INPP5E: variants seen among roughly 807,000 people sequenced by gnomAD.
INPP5E encodes the protein inositol polyphosphate-5-phosphatase E.
Under a neutral mutation model 50.5 loss-of-function variants are expected in INPP5E, and 34 were observed. The observed-to-expected ratio is 0.67, with a 90% CI of 0.51 to 0.90. INPP5E has a LOEUF of 0.90. Ranked by LOEUF, INPP5E falls within the 40% of genes least tolerant of loss-of-function variation. INPP5E has a pLI of 0.00. For missense variants in INPP5E, 942 were observed against 905.5 expected (o/e 1.04, Z -0.52); for synonymous variants, 447 against 406.0 (o/e 1.10, Z -1.21).
intron 1 of INPP5E, 57 bp from the exon 2 acceptor site, chr9:136,434,920 T>C: frequency 6.4e-7 from 1 of 1,567,532 alleles, no homozygotes; most frequent in Non-Finnish European, 8.7e-7. Context: ...CCTGGGGGTC[T>C]GGGCCAGGTC....
chr9:136,438,937 G>A lies in INPP5E; in HGVS notation c.483C>T (p.Leu161=). ...RGSPSSGGNP[L]SGVASSSPNL... is the part of the protein sequence containing the mutation. ...TCGGGGAGCTGCTGGCCACCCCAGAGAGAGGGTTACCCCCCGAGGACGGGC... is the reference window on the plus strand; with the variant it reads ...TCGGGGAGCTGCTGGCCACCCCAGAAAGAGGGTTACCCCCCGAGGACGGGC... Residue 161 remains leucine (L), a synonymous_variant, in exon 1 of 10, where the codon CTC becomes CTT. Transcript: ENST00000371712. 2 of 1,569,792 alleles carry A rather than the reference G, an allele frequency of 1.3e-6. No individual in the cohort carries two copies. The highest frequency in any genetic ancestry group is 1.7e-6 in the Non-Finnish European group (2 of 1,157,928).
Position 136,429,552 on chromosome 9 carries a change from C to G in INPP5E, c.*123G>C. 1 of 1,324,834 alleles carries G rather than the reference C, an allele frequency of 7.5e-7. No individual in the cohort carries two copies. The allele number at this position is 1,324,834 out of a possible 1,614,324, so 82.1% of individuals were successfully genotyped here. On this transcript the variant is annotated 3_prime_UTR_variant, in exon 10 of 10. Transcript: ENST00000371712. Reference sequence around the variant, plus strand: ...TGGCTTCCTTCCTGGGACGCTGGCACAGAGGCACGGTCGCCACAGTCCCTC... The same window carrying G: ...TGGCTTCCTTCCTGGGACGCTGGCAGAGAGGCACGGTCGCCACAGTCCCTC...
At chr9:136,435,181 C>G (rs1331144759) in intron 1 of INPP5E, among the ~76,000 whole-genome samples, 1 of 152,172 alleles carries the variant, frequency 6.6e-6, no homozygotes, top group Non-Finnish European at 1.5e-5. Flanking sequence ...AACTATAAGC[C>G]AAGGCAGTGG....
Position 136,439,480 on chromosome 9 carries a change from G to T in INPP5E, c.-61C>A. Reference sequence around the variant, plus strand: ...CCGCAGGCAGCGCGAGGGGTCACGGGTGCCGGGTCCGGGGTCGCCGGCGCA... The same window carrying T: ...CCGCAGGCAGCGCGAGGGGTCACGGTTGCCGGGTCCGGGGTCGCCGGCGCA... On this transcript the variant is annotated 5_prime_UTR_variant, in exon 1 of 10. Coordinates refer to ENST00000371712, the MANE Select transcript of INPP5E (RefSeq NM_019892.6). The T allele has an allele frequency of 7.8e-7, 1 of 1,283,976 alleles. No individual in the cohort carries two copies. Among genetic ancestry groups the T allele is most frequent in the Non-Finnish European group, 1.0e-6 (1 of 986,154 alleles). 79.5% of individuals were successfully genotyped at this position (1,283,976 alleles called of 1,614,324 possible).
chr9:136,434,649 G>T (rs1835790316), intron 2 of INPP5E, 91 bp downstream of exon 2: 1 of 1,506,848 alleles, frequency 6.6e-7, no homozygotes, highest in South Asian at 1.2e-5. Context: ...CTGGCCCCAG[G>T]ATGAGGCACA....
chr9:136,439,199 G>T lies in INPP5E; in HGVS notation c.221C>A (p.Pro74His). Reference protein sequence around the residue: ...PARAAPIAPRPPARPRLERAL... With the variant: ...PARAAPIAPRHPARPRLERAL... ...TCGCTCCAGTCGAGGCCTGGCGGGG[G>T]GCCGCGGGGCGATGGGTGCTGCTCG... Residue 74 changes from proline to histidine, a missense_variant, in exon 1 of 10, where the codon CCC (proline) becomes CAC (histidine). Transcript: ENST00000371712. 6.5e-7 allele frequency: 1 copy of T among 1,541,870 alleles called. No homozygotes were observed. The highest frequency in any genetic ancestry group is 1.2e-5 in the South Asian group (1 of 84,538).
Position 136,438,230 on chromosome 9 carries a change from G to T in INPP5E, c.812+378C>A, listed in dbSNP as rs374482282. On this transcript the variant is annotated intron_variant, in intron 1 of 9. Transcript: ENST00000371712. ...GCAGAGGTTGCAGTGAGCCGGGATCGCGCCGCTGCACTCCAGCCTGGGCGA... is the reference window on the plus strand; with the variant it reads ...GCAGAGGTTGCAGTGAGCCGGGATCTCGCCGCTGCACTCCAGCCTGGGCGA... 2.6e-4 allele frequency: 75 copies of T among 283,830 alleles called. No homozygotes were observed. In the East Asian group the frequency reaches 4.6e-3, roughly 17 times the overall value. 17.6% of individuals were successfully genotyped at this position (283,830 alleles called of 1,614,324 possible).
At chr9:136,434,276 C>T (rs537611769) in intron 2 of INPP5E, 142 bp from the exon 3 acceptor site, 40 of 662,952 alleles carry the variant, frequency 6.0e-5, no homozygotes, top group Non-Finnish European at 6.7e-5. Flanking sequence ...GGGAGCTGCC[C>T]GGTCTCCGAG....
chr9:136,438,643 G>A lies in INPP5E; in HGVS notation c.777C>T (p.Leu259=), dbSNP rs748310442. 5 of 1,576,962 alleles carry A rather than the reference G, an allele frequency of 3.2e-6. No individual in the cohort carries two copies. Among genetic ancestry groups the A allele is most frequent in the Non-Finnish European group, 4.3e-6 (5 of 1,162,074 alleles). The change falls in exon 1 of 10, where the codon CTC becomes CTT. Residue 259 remains leucine, a synonymous_variant. Coordinates refer to ENST00000371712, the MANE Select transcript of INPP5E (RefSeq NM_019892.6). ...CGTCCTTGCTGCGGATGGGCGCCAG[G>A]AGGCTGAAGGAGGATTTGGCCGAGC... is the stretch of plus-strand genomic sequence containing the variant. The part of the protein sequence containing the change: ...SLRSAKSSFS[L]LAPIRSKDVR...
rs954591293 is a variant in INPP5E, at chr9:136,438,998, G to T, written c.422C>A (p.Pro141His). 6.7e-5 allele frequency: 107 copies of T among 1,586,790 alleles called. No homozygotes were observed. The highest frequency in any genetic ancestry group is 9.1e-5 in the Non-Finnish European group (106 of 1,167,418). ...ACTGCTCAGGACCCCGCGGGACTTG[G>T]GGATTTCCTGCAAGGAGGTGCTCAG... ...PCLSTSLQEI[P>H]KSRGVLSSER... The change falls in exon 1 of 10, where the codon CCC becomes CAC. Residue 141 changes from proline to histidine, a missense_variant. By Grantham distance (77) the Pro-to-His change is moderately conservative. Coordinates refer to ENST00000371712, the MANE Select transcript of INPP5E (RefSeq NM_019892.6).
At chr9:136,436,096 G>A (rs934962500) in intron 1 of INPP5E, 1 of 152,174 alleles carries the variant, frequency 6.6e-6, no homozygotes, top group Non-Finnish European at 1.5e-5. Context: ...CCTCCCGCGA[G>A]AACTTCTTCA....
Position 136,432,546 on chromosome 9 carries a change from G to A in INPP5E, c.1320C>T (p.Thr440=). Residue 440 remains threonine (T), a synonymous_variant, in exon 6 of 10, where the codon ACC becomes ACT. Coordinates refer to ENST00000371712, the MANE Select transcript of INPP5E (RefSeq NM_019892.6). ...GCAGGACCAGGGCTTGTACAGTCCT[G>A]GTGTAGTCCAGCAGCCGCTCCGCCA... The part of the protein sequence containing the change: ...GKVAERLLDY[T]RTVQALVLPR... The A allele has an allele frequency of 1.3e-6, 2 of 1,550,972 alleles. No homozygotes were observed. Among genetic ancestry groups the A allele is most frequent in the Admixed American group, 2.0e-5 (1 of 51,120 alleles).
In INPP5E at chr9:136,429,560, C is replaced by T. The variant is rs763543097; in HGVS notation, c.*115G>A. The T allele has an allele frequency of 2.7e-5, 37 of 1,383,182 alleles. No homozygotes were observed. Among genetic ancestry groups the T allele is most frequent in the South Asian group, 1.3e-4 (11 of 86,440 alleles). The allele number at this position is 1,383,182 out of a possible 1,614,324, so 85.7% of individuals were successfully genotyped here. ...TTCCTGGGACGCTGGCACAGAGGCA[C>T]GGTCGCCACAGTCCCTCGGATCCCC... On this transcript the variant is annotated 3_prime_UTR_variant, in exon 10 of 10. Transcript: ENST00000371712.
At position 136,430,284 on chromosome 9, in the gene INPP5E, G is replaced by T; in HGVS notation, c.1795C>A (p.Arg599=). 1 of 1,551,382 alleles carries T rather than the reference G, an allele frequency of 6.4e-7. No individual in the cohort carries two copies. The highest frequency in any genetic ancestry group is 2.0e-5 in the Admixed American group (1 of 51,006). The part of the protein sequence containing the change: ...GLFRVKVRPG[R]DNIPLAAGKF... ...GAGCGGGAGAACACTGACTTGTCTC[G>T]CCCCGGCCTCACTTTCACCCGGAAG... The change falls in exon 9 of 10, where the codon CGA becomes AGA. Residue 599 remains arginine (R), a synonymous_variant. Coordinates refer to ENST00000371712, the MANE Select transcript of INPP5E (RefSeq NM_019892.6).
rs1835641741 is a variant in INPP5E, at chr9:136,429,244, G to A, written c.*431C>T. 2 of 315,784 alleles carry A rather than the reference G, an allele frequency of 6.3e-6. No homozygotes were observed. The highest frequency in any genetic ancestry group is 5.7e-5 in the South Asian group (2 of 34,920). 19.6% of individuals were successfully genotyped at this position (315,784 alleles called of 1,614,324 possible). On this transcript the variant is annotated 3_prime_UTR_variant, in exon 10 of 10. Transcript: ENST00000371712. The stretch of plus-strand genomic sequence containing the variant: ...GACATGGGGTGGTGTGTGTTTGAGG[G>A]GCTGCCAGGAGGACACAGATGGACG...
chr9:136,433,128 C>T (rs181545205), intron 4 of INPP5E, 27 bp downstream of exon 4: 53 of 1,610,318 alleles, frequency 3.3e-5, no homozygotes, highest in African/African-American at 3.2e-4. Context: ...ACCTTCCAGC[C>T]GCGCCCACCC....
chr9:136,438,397 C>G, intron 1 of INPP5E: 1 of 607,754 alleles, frequency 1.6e-6, no homozygotes, highest in South Asian at 1.9e-5. Flanking sequence ...ACGTCACGCC[C>G]ACGAATGGTT....
In INPP5E at chr9:136,430,269, A is replaced by C; in HGVS notation, c.1802+8T>G. 6.4e-7 allele frequency: 1 copy of C among 1,551,306 alleles called. No individual in the cohort carries two copies. The highest frequency in any genetic ancestry group is 8.7e-7 in the Non-Finnish European group (1 of 1,146,980). ...CCCAAGGGGGAAGGTGAGCGGGAGA[A>C]CACTGACTTGTCTCGCCCCGGCCTC... is the stretch of plus-strand genomic sequence containing the variant. On this transcript the variant is annotated splice_region_variant and intron_variant, in intron 9 of 9. Coordinates refer to ENST00000371712, the MANE Select transcript of INPP5E (RefSeq NM_019892.6).
In INPP5E at chr9:136,434,652, G is replaced by A. The variant is rs1190005630; in HGVS notation, c.936+88C>T. The stretch of plus-strand genomic sequence containing the variant: ...GGCTCTGCCCTCCTGGCCCCAGGAT[G>A]AGGCACAGAGCTGCCCCGTCCCCCT... On this transcript the variant is annotated intron_variant, in intron 2 of 9. Transcript: ENST00000371712. The A allele has an allele frequency of 2.0e-6, 3 of 1,519,204 alleles. No individual in the cohort carries two copies. The African/African-American group carries it at 4.1e-5, about 21-fold the overall frequency. 94.1% of individuals were successfully genotyped at this position (1,519,204 alleles called of 1,614,324 possible).
Sources: allele counts gnomAD v4.1 joint callset (sites outside exome capture counted in the v4.1 genomes callset), GRCh38; gene constraint gnomAD v4.1.1; transcripts MANE v1.5; gene names NCBI Gene and HGNC (gene_info 2026-07-23, HGNC 2026-07-21).